LARP1: variants seen among roughly 807,000 people sequenced by gnomAD.
LARP1 encodes the protein La ribonucleoprotein 1, translational regulator.
LARP1 carries 36 observed loss-of-function variants against 122.7 expected under a neutral mutation model. That is an observed-to-expected ratio of 0.29 (90% CI 0.22 to 0.39). The LOEUF (loss-of-function observed/expected upper bound fraction) is 0.39. Among genes scored for constraint, LARP1 ranks in the 10% least tolerant of loss-of-function variants. The probability of loss-of-function intolerance (pLI) is 1.00; values close to 1 mark genes in which losing one functional copy is unlikely to be tolerated. For synonymous variants in LARP1, 539 were observed against 528.7 expected, an observed-to-expected ratio of 1.02 and a Z score of -0.27; for missense variants, 1,040 against 1,403.6, an observed-to-expected ratio of 0.74 and a Z score of 4.14.
chr5:154,707,640 G>T (rs139647001), intron 1 of LARP1, among the ~76,000 whole-genome samples: 1 of 152,134 alleles, frequency 6.6e-6, no homozygotes, highest in Non-Finnish European at 1.5e-5. Context: ...GCTGGGGTGG[G>T]GGGGCATGGT....
At chr5:154,731,067 C>T (rs142697637) in intron 1 of LARP1, among the ~76,000 whole-genome samples, 12,227 of 151,478 alleles carry the variant, frequency 0.081, 546 homozygotes, top group Admixed American at 0.15. Flanking sequence ...TCAGGTGATC[C>T]GCCTGCCTTG....
chr5:154,771,517 C>G (rs370879379), intron 1 of LARP1, among the ~76,000 whole-genome samples: 1 of 152,160 alleles, frequency 6.6e-6, no homozygotes, highest in Non-Finnish European at 1.5e-5. Context: ...GAGTTCATGC[C>G]GTACACATCA....
At chr5:154,701,693 C>T (rs1034106130) in intron 1 of LARP1, among the ~76,000 whole-genome samples, 5 of 150,772 alleles carry the variant, frequency 3.3e-5, no homozygotes, top group African/African-American at 1.2e-4. Context: ...GTGATCTCAG[C>T]TCACTGCAAC....
intron 1 of LARP1, among the ~76,000 whole-genome samples, chr5:154,718,972 G>A (rs1384274626): frequency 6.6e-6 from 1 of 152,206 alleles, no homozygotes; most frequent in Admixed American, 6.5e-5. Context: ...AGGCAAGGCA[G>A]AAGTAGATCC....
intron 1 of LARP1, 97 bp from the exon 2 acceptor site, chr5:154,790,228 T>G: frequency 5.3e-6 from 5 of 947,600 alleles, no homozygotes; most frequent in Non-Finnish European, 8.1e-6. Context: ...ACTTGCAGGT[T>G]GCTAGGTGGA....
At chr5:154,717,875 A>G (rs1339729059) in intron 1 of LARP1, among the ~76,000 whole-genome samples, 1 of 145,818 alleles carries the variant, frequency 6.9e-6, no homozygotes, top group Non-Finnish European at 1.5e-5. Context: ...TGACACATAT[A>G]CACACACACA....
chr5:154,755,367 T>TC (rs1395531103), upstream of LARP1, among the ~76,000 whole-genome samples: 2 of 147,146 alleles, frequency 1.4e-5, no homozygotes, highest in Non-Finnish European at 3.0e-5. Context: ...GCCGCGCCTC[T>TC]CCCCCGTCCG....
intron 1 of LARP1, among the ~76,000 whole-genome samples, chr5:154,721,219 C>T (rs945386295): frequency 2.6e-5 from 4 of 151,720 alleles, no homozygotes; most frequent in Admixed American, 6.6e-5. Flanking sequence ...TGGTGGTGCA[C>T]GTCTATAGTC....
chr5:154,727,582 A>T (rs1388164363), intron 1 of LARP1, among the ~76,000 whole-genome samples: 2 of 152,218 alleles, frequency 1.3e-5, no homozygotes, highest in African/African-American at 4.8e-5. Flanking sequence ...TCTATTACAC[A>T]ATGTGGTGAC....
chr5:154,689,066 C>A (rs1458911480), intron 1 of LARP1, among the ~76,000 whole-genome samples: 1 of 151,868 alleles, frequency 6.6e-6, no homozygotes, highest in Non-Finnish European at 1.5e-5. Flanking sequence ...CATCTGTAAT[C>A]CTAGCGCTTT....
chr5:154,763,273 G>T (rs1754626979), intron 1 of LARP1, among the ~76,000 whole-genome samples: 1 of 151,950 alleles, frequency 6.6e-6, no homozygotes, highest in Non-Finnish European at 1.5e-5. Context: ...TGTTGGTCGG[G>T]TTGGTCTCGA....
chr5:154,803,851 C>T lies in LARP1; in HGVS notation c.2439+106C>T, dbSNP rs1476250044. The T allele has an allele frequency of 1.0e-5, 12 of 1,151,890 alleles. No homozygotes were observed. Among genetic ancestry groups the T allele is most frequent in the South Asian group, 4.1e-5 (3 of 73,538 alleles). The allele number at this position is 1,151,890 out of a possible 1,614,324, so 71.4% of individuals were successfully genotyped here. A position where few individuals can be genotyped will look rare whatever the true frequency, so the allele number is the denominator to read the frequency against. On this transcript the variant is annotated intron_variant, in intron 13 of 18. Coordinates refer to ENST00000518297, the MANE Select transcript of LARP1 (RefSeq NM_033551.3). The surrounding 1 kb of genome is among the most constrained non-coding windows in gnomAD (Gnocchi z 4.4). Reference sequence around the variant, plus strand: ...GTCTGAGCTAAGGAAGTGCTAAATCCTTCACCTGCTCTGTGTTCTGAGGCT... The same window carrying T: ...GTCTGAGCTAAGGAAGTGCTAAATCTTTCACCTGCTCTGTGTTCTGAGGCT...
chr5:154,742,622 CG>C (rs1479504468), intron 1 of LARP1, among the ~76,000 whole-genome samples: 2 of 150,102 alleles, frequency 1.3e-5, no homozygotes, highest in Non-Finnish European at 3.0e-5. Context: ...TCCAGCTATT[CG>C]GGAGTCTGAG....
At chr5:154,735,761 A>AG (rs70981948) in intron 1 of LARP1, among the ~76,000 whole-genome samples, 151,429 of 151,438 alleles carry the variant, frequency 1, 75,710 homozygotes, top group Middle Eastern at 1. Context: ...TAGTAGAGAC[A>AG]GGTTTCGCCA....
At chr5:154,771,030 T>C (rs897810495) in intron 1 of LARP1, among the ~76,000 whole-genome samples, 2 of 151,454 alleles carry the variant, frequency 1.3e-5, no homozygotes, top group African/African-American at 4.9e-5. Context: ...GAGAGTCGCT[T>C]GAACGCAGGA....
At chr5:154,686,507 T>C (rs531299489) in intron 1 of LARP1, among the ~76,000 whole-genome samples, 1 of 152,342 alleles carries the variant, frequency 6.6e-6, no homozygotes, top group East Asian at 1.9e-4. Flanking sequence ...CAATATTTAT[T>C]TTAAAATCAG....
intron 1 of LARP1, among the ~76,000 whole-genome samples, chr5:154,703,146 A>G (rs982050236): frequency 1.3e-5 from 2 of 150,886 alleles, no homozygotes; most frequent in Admixed American, 6.6e-5. Flanking sequence ...AAAAAAAAAA[A>G]AGAGAGGACA....
upstream of LARP1, among the ~76,000 whole-genome samples, chr5:154,708,411 C>G (rs1755051988): frequency 6.6e-6 from 1 of 152,148 alleles, no homozygotes; most frequent in South Asian, 2.1e-4. Context: ...CCAGTGGTGA[C>G]TATTTTTCTA....
At chr5:154,706,728 G>GAA (rs1335848584) in intron 1 of LARP1, among the ~76,000 whole-genome samples, 2 of 128,762 alleles carry the variant, frequency 1.6e-5, no homozygotes, top group African/African-American at 5.8e-5. Context: ...TGGAAAGTTG[G>GAA]AAAAAAAAAA....
Sources: allele counts gnomAD v4.1 joint callset (sites outside exome capture counted in the v4.1 genomes callset), GRCh38; gene constraint gnomAD v4.1.1; non-coding constraint Gnocchi (gnomAD v3.1); transcripts MANE v1.5; gene names NCBI Gene and HGNC (gene_info 2026-07-23, HGNC 2026-07-21).